ARB2A: variants seen among roughly 807,000 people sequenced by gnomAD.
The protein encoded by ARB2A is ARB2 cotranscriptional regulator A, also known as cotranscriptional regulator ARB2A.
the ARB2A span, among the ~76,000 whole-genome samples, chr5:93,982,911 C>T: frequency 6.6e-6 from 1 of 152,054 alleles, no homozygotes; most frequent in African/African-American, 2.4e-5. Flanking sequence ...AAACATTAGG[C>T]AGGCATGGTG....
the ARB2A span, among the ~76,000 whole-genome samples, chr5:94,091,282 T>C: frequency 2.0e-5 from 3 of 152,324 alleles, no homozygotes; most frequent in South Asian, 6.2e-4. Flanking sequence ...TAGCAGTTAT[T>C]GCAGTATTCC....
At chr5:93,859,318 C>T in the ARB2A span, among the ~76,000 whole-genome samples, 162 of 150,786 alleles carry the variant, frequency 1.1e-3, no homozygotes, top group African/African-American at 2.4e-3. Flanking sequence ...ATTATCAATA[C>T]GGGAAAAAAG....
chr5:93,992,419 C>T, the ARB2A span, among the ~76,000 whole-genome samples: 1 of 151,966 alleles, frequency 6.6e-6, no homozygotes, highest in African/African-American at 2.4e-5. Flanking sequence ...ATATTGTAAG[C>T]CCCCTAGCAA....
At chr5:93,848,535 A>G in the ARB2A span, among the ~76,000 whole-genome samples, 2 of 152,176 alleles carry the variant, frequency 1.3e-5, no homozygotes, top group East Asian at 3.8e-4. Flanking sequence ...CAAACCATAA[A>G]TATTTTCACT....
At chr5:93,792,837 A>T in the ARB2A span, among the ~76,000 whole-genome samples, 1 of 151,998 alleles carries the variant, frequency 6.6e-6, no homozygotes, top group Non-Finnish European at 1.5e-5. Flanking sequence ...GTACCCTAAA[A>T]CTTAAAGTAT....
chr5:94,011,981 A>C, the ARB2A span, among the ~76,000 whole-genome samples: 1 of 151,644 alleles, frequency 6.6e-6, no homozygotes, highest in Non-Finnish European at 1.5e-5. Context: ...GACACGGAAA[A>C]TGAGCGTTCA....
At chr5:93,890,013 T>C in the ARB2A span, among the ~76,000 whole-genome samples, 2 of 151,940 alleles carry the variant, frequency 1.3e-5, no homozygotes, top group African/African-American at 4.8e-5. Flanking sequence ...AAATTGTATG[T>C]CACACTATGA....
At chr5:93,777,148 G>T in the ARB2A span, among the ~76,000 whole-genome samples, 31 of 145,308 alleles carry the variant, frequency 2.1e-4, no homozygotes, top group Non-Finnish European at 3.9e-4. Context: ...TCACACTCTG[G>T]GGACTGTTGT....
the ARB2A span, among the ~76,000 whole-genome samples, chr5:93,841,064 T>C: frequency 4.6e-5 from 7 of 152,116 alleles, no homozygotes; most frequent in East Asian, 1.9e-4. Context: ...AAAGTAAACA[T>C]TGACAATCCT....
the ARB2A span, among the ~76,000 whole-genome samples, chr5:93,688,963 C>G: frequency 6.6e-6 from 1 of 152,214 alleles, no homozygotes; most frequent in African/African-American, 2.4e-5. Context: ...ACCCTTATCA[C>G]AGCTAGACTG....
chr5:93,996,184 T>A, the ARB2A span, among the ~76,000 whole-genome samples: 1 of 152,060 alleles, frequency 6.6e-6, no homozygotes, highest in African/African-American at 2.4e-5. Context: ...TATATGCCCA[T>A]ATCTATGTAT....
At chr5:94,016,495 C>T in the ARB2A span, among the ~76,000 whole-genome samples, 4 of 152,194 alleles carry the variant, frequency 2.6e-5, no homozygotes, top group African/African-American at 9.7e-5. Context: ...GTCTCATAGA[C>T]TTCTTAAAGG....
At chr5:93,652,462 T>C in the ARB2A span, among the ~76,000 whole-genome samples, 1 of 152,230 alleles carries the variant, frequency 6.6e-6, no homozygotes, top group African/African-American at 2.4e-5. Context: ...ATTTTATCAG[T>C]TGCCATCAGA....
At chr5:93,955,530 C>T in the ARB2A span, among the ~76,000 whole-genome samples, 11 of 152,318 alleles carry the variant, frequency 7.2e-5, no homozygotes, top group Non-Finnish European at 1.3e-4. Context: ...AGGGAAAACG[C>T]TATCCTAGTG....
the ARB2A span, among the ~76,000 whole-genome samples, chr5:93,787,876 C>G: frequency 6.6e-6 from 1 of 152,138 alleles, no homozygotes; most frequent in Non-Finnish European, 1.5e-5. Context: ...AAAATTATTA[C>G]AGTTCTAAAA....
At chr5:93,639,049 A>G in the ARB2A span, among the ~76,000 whole-genome samples, 3 of 152,240 alleles carry the variant, frequency 2.0e-5, no homozygotes, top group Non-Finnish European at 2.9e-5. Flanking sequence ...AATGTCTCCA[A>G]TGTATTTATA....
chr5:94,060,965 G>A, the ARB2A span, among the ~76,000 whole-genome samples: 1 of 152,188 alleles, frequency 6.6e-6, no homozygotes, highest in Admixed American at 6.5e-5. Context: ...TCGGCCAGGT[G>A]CGGTGGCTAA....
the ARB2A span, among the ~76,000 whole-genome samples, chr5:93,950,943 C>CAAAAAAAAAA: frequency 1.3e-5 from 1 of 79,194 alleles, no homozygotes; most frequent in Admixed American, 1.4e-4. Flanking sequence ...GACTCTGTCT[C>CAAAAAAAAAA]AAAAAAAAAA....
At chr5:93,683,469 G>A in the ARB2A span, 10 of 1,594,700 alleles carry the variant, frequency 6.3e-6, no homozygotes, top group Admixed American at 1.3e-4. Context: ...ACTGTTGGCT[G>A]TACAGACATT....
Sources: allele counts gnomAD v4.1 joint callset (sites outside exome capture counted in the v4.1 genomes callset), GRCh38; gene constraint gnomAD v4.1.1; transcripts MANE v1.5; gene names NCBI Gene and HGNC (gene_info 2026-07-23, HGNC 2026-07-21).